The following ZSWIM5 variants were observed in gnomAD, a reference collection of about 807,000 sequenced individuals.
ZSWIM5 encodes zinc finger SWIM-type containing 5, also known as zinc finger SWIM domain-containing protein 5.
Under a neutral mutation model 119.6 loss-of-function variants are expected in ZSWIM5, and 55 were observed. The observed-to-expected ratio is 0.46, with a 90% CI of 0.37 to 0.58. The LOEUF is 0.58. Among genes scored for constraint, ZSWIM5 ranks in the 20% least tolerant of loss-of-function variants. The probability of loss-of-function intolerance (pLI) is 0.00; values close to 1 mark genes in which losing one functional copy is unlikely to be tolerated. For missense variants in ZSWIM5, 1,193 were observed against 1,512.8 expected (o/e 0.79, Z 3.51); for synonymous variants, 537 against 606.9 (o/e 0.88, Z 1.69).
chr1:45,036,281 G>T lies in ZSWIM5; in HGVS notation c.1913C>A (p.Pro638His). Residue 638 changes from proline (P) to histidine (H), a missense_variant, in exon 9 of 14, where the codon CCC (proline) becomes CAC (histidine). Around this residue, in one of 2 missense-constraint regions of ZSWIM5, gnomAD observed 961 missense variants for 1,290.0 expected, o/e 0.74. Transcript: ENST00000359600. ...LEMSDMNESRPPVYQHVPVAA... is the reference protein window; with the variant it reads ...LEMSDMNESRHPVYQHVPVAA... ...CACAGGTACATGCTGGTACACAGGG[G>T]GTCTGCTTTCATTCATATCTGAGGG... The T allele has an allele frequency of 8.7e-6, 14 of 1,613,304 alleles. No homozygotes were observed. The highest frequency in any genetic ancestry group is 1.2e-5 in the Non-Finnish European group (14 of 1,179,760).
chr1:45,150,171 TAAAAAAAAAAA>T (rs59869691), intron 1 of ZSWIM5, among the ~76,000 whole-genome samples: 2 of 93,386 alleles, frequency 2.1e-5, no homozygotes, highest in Non-Finnish European at 4.4e-5. Context: ...CTCTATCTCT[TAAAAAAAAAAA>T]AAAAAAAAAG....
chr1:45,190,578 A>C (rs943455049), intron 1 of ZSWIM5, among the ~76,000 whole-genome samples: 6 of 152,220 alleles, frequency 3.9e-5, no homozygotes, highest in African/African-American at 1.4e-4. Flanking sequence ...TCCAAGAGTC[A>C]GAGGAAATGT....
At chr1:45,110,282 G>A (rs1645508907) in intron 1 of ZSWIM5, among the ~76,000 whole-genome samples, 1 of 152,194 alleles carries the variant, frequency 6.6e-6, no homozygotes, top group African/African-American at 2.4e-5. Context: ...AAAGTATACA[G>A]ACATCAAGAA....
In ZSWIM5 at chr1:45,206,136, G is replaced by A. The variant is rs199694108; in HGVS notation, c.215C>T (p.Thr72Met). 87 of 1,610,950 alleles carry A rather than the reference G, an allele frequency of 5.4e-5. No individual in the cohort carries two copies. The highest frequency in any genetic ancestry group is 1.5e-5 in the Non-Finnish European group (18 of 1,179,206). Residue 72 changes from threonine to methionine, a missense_variant, in exon 1 of 14, where the codon ACG becomes ATG. Physicochemically the swap from Thr to Met is moderately conservative, Grantham distance 81. Around this residue, in one of 2 missense-constraint regions of ZSWIM5, gnomAD observed 232 missense variants for 222.9 expected, o/e 1.04. Coordinates refer to ENST00000359600, the MANE Select transcript of ZSWIM5 (RefSeq NM_020883.2). ...PDSLLDCAAK[T>M]VAEKWAYERV... ...TTCGTATGCCCACTTTTCCGCCACC[G>A]TCTTGGCGGCGCAGTCCAGTAAGGA...
chr1:45,093,710 T>C (rs1022116217), intron 1 of ZSWIM5, among the ~76,000 whole-genome samples: 5 of 152,202 alleles, frequency 3.3e-5, no homozygotes, highest in African/African-American at 1.2e-4. Context: ...GCAACATTTT[T>C]TAAAAAGTCT....
chr1:45,037,320 A>G (rs1179752691), intron 8 of ZSWIM5, among the ~76,000 whole-genome samples: 1 of 152,074 alleles, frequency 6.6e-6, no homozygotes, highest in Non-Finnish European at 1.5e-5. Flanking sequence ...CATGTTGGCC[A>G]GGCTGGTCTC....
At position 45,088,044 on chromosome 1, in the gene ZSWIM5, T is replaced by G; in HGVS notation, c.789A>C (p.Lys263Asn). The G allele has an allele frequency of 1.2e-6, 2 of 1,614,178 alleles. No homozygotes were observed. The highest frequency in any genetic ancestry group is 1.7e-6 in the Non-Finnish European group (2 of 1,180,032). The change falls in exon 2 of 14, where the codon AAA becomes AAC. Residue 263 changes from lysine to asparagine, a missense_variant. By Grantham distance (94) the Lys-to-Asn change is moderately conservative. Transcript: ENST00000359600. This position sits in a 1 kb window ranked among gnomAD's most constrained non-coding sequence, Gnocchi z 4.2. ...LYRIRKPDQV[K>N]LRLPISETLF... ...GGGTTTCGGAGATAGGAAGACGCAA[T>G]TTGACTTGGTCTGGTTTACGGATCC...
chr1:45,092,299 T>G (rs559098484), intron 1 of ZSWIM5, among the ~76,000 whole-genome samples: 15 of 152,230 alleles, frequency 9.9e-5, no homozygotes, highest in South Asian at 4.1e-4. Context: ...TTTGTTGGTT[T>G]GTTTGTTTGT....
intron 1 of ZSWIM5, among the ~76,000 whole-genome samples, chr1:45,095,156 C>G (rs958338655): frequency 1.8e-4 from 27 of 150,438 alleles, no homozygotes; most frequent in African/African-American, 6.1e-4. Context: ...GAGACAGGGT[C>G]TCTCTCTGTT....
At chr1:45,133,273 CTGT>C (rs1229828220) in intron 1 of ZSWIM5, among the ~76,000 whole-genome samples, 1 of 152,178 alleles carries the variant, frequency 6.6e-6, no homozygotes. Flanking sequence ...TCTACAGCAC[CTGT>C]TGTTTCCTGA....
intron 1 of ZSWIM5, among the ~76,000 whole-genome samples, chr1:45,149,085 A>C (rs1031585740): frequency 3.0e-4 from 46 of 152,220 alleles, no homozygotes; most frequent in East Asian, 3.9e-4. Context: ...CCTGGGCAAT[A>C]TAGTAAGACT....
intron 1 of ZSWIM5, among the ~76,000 whole-genome samples, chr1:45,158,565 T>C (rs1390041300): frequency 1.3e-5 from 2 of 152,240 alleles, no homozygotes; most frequent in East Asian, 3.8e-4. Flanking sequence ...TAACTAGCTG[T>C]AAGAATTTGA....
chr1:45,140,256 G>A (rs1557777943), intron 1 of ZSWIM5, among the ~76,000 whole-genome samples: 1 of 152,212 alleles, frequency 6.6e-6, no homozygotes, highest in African/African-American at 2.4e-5. Flanking sequence ...TTGGGATACA[G>A]CCACAGTTAT....
At chr1:45,117,446 G>A (rs907019334) in intron 1 of ZSWIM5, among the ~76,000 whole-genome samples, 6 of 152,180 alleles carry the variant, frequency 3.9e-5, no homozygotes, top group African/African-American at 1.4e-4. Context: ...AGGCCAAAGT[G>A]GGAGGACTGC....
chr1:45,021,723 A>G (rs975796227), intron 11 of ZSWIM5, among the ~76,000 whole-genome samples: 1 of 152,226 alleles, frequency 6.6e-6, no homozygotes, highest in Non-Finnish European at 1.5e-5. Flanking sequence ...GCCATTTAAG[A>G]GTTTAACAAC....
chr1:45,068,792 CTTTTTTTT>C (rs758235271), intron 2 of ZSWIM5, among the ~76,000 whole-genome samples: 1 of 46,730 alleles, frequency 2.1e-5, no homozygotes, highest in Non-Finnish European at 3.6e-5. Context: ...TGTTGTATGT[CTTTTTTTT>C]TTTTTTTTTT....
In ZSWIM5 at chr1:45,018,780, A is replaced by G. The variant is rs1644870309; in HGVS notation, c.3232T>C (p.Leu1078=). ...VHCATVLSDI[L]RRCTVTAPGL... ...GGTGCAGTCACTGTGCAGCGTCGTA[A>G]GATGTCTGAAAGCACTGTGGCACAG... is the stretch of plus-strand genomic sequence containing the variant. Residue 1078 remains leucine (L), a synonymous_variant, in exon 14 of 14, where the codon TTA becomes CTA. Coordinates refer to ENST00000359600, the MANE Select transcript of ZSWIM5 (RefSeq NM_020883.2). This position sits in a 1 kb window ranked among gnomAD's most constrained non-coding sequence, Gnocchi z 6.7. 1.2e-6 allele frequency: 2 copies of G among 1,614,220 alleles called. No individual in the cohort carries two copies. Among genetic ancestry groups the G allele is most frequent in the East Asian group, 2.2e-5 (1 of 44,880 alleles).
At chr1:45,132,981 T>C (rs1225489666) in intron 1 of ZSWIM5, among the ~76,000 whole-genome samples, 1 of 152,212 alleles carries the variant, frequency 6.6e-6, no homozygotes, top group Non-Finnish European at 1.5e-5. Context: ...CCATGGTGTA[T>C]ATGTGCCACA....
Position 45,206,375 on chromosome 1 carries a change from AGGC to A in ZSWIM5, c.-28_-26del, listed in dbSNP as rs1472833756. The A allele has an allele frequency of 5.9e-6, 8 of 1,361,906 alleles. No homozygotes were observed. The highest frequency in any genetic ancestry group is 2.2e-4 in the Middle Eastern group (1 of 4,570). The allele number at this position is 1,361,906 out of a possible 1,614,324, so 84.4% of individuals were successfully genotyped here. On this transcript the variant is annotated 5_prime_UTR_variant, in exon 1 of 14. Transcript: ENST00000359600. ...TTGCTGGGGACTGACTGACTGACTG[AGGC>A]GGCGGCGGCTGCTCGGGCTGCGGCG...
Sources: allele counts gnomAD v4.1 joint callset (sites outside exome capture counted in the v4.1 genomes callset), GRCh38; gene constraint gnomAD v4.1.1; regional missense constraint gnomAD v4.1.1; non-coding constraint Gnocchi (gnomAD v3.1); transcripts MANE v1.5; gene names NCBI Gene and HGNC (gene_info 2026-07-23, HGNC 2026-07-21).